Variants in TSHZ2 observed in about 807,000 individuals in gnomAD.
TSHZ2 encodes the protein teashirt zinc finger homeobox 2.
In TSHZ2, 21 loss-of-function variants were observed where a neutral mutation model predicts 74.4. The observed-to-expected ratio is 0.28, with a 90% CI of 0.20 to 0.41. TSHZ2 has a LOEUF of 0.41. Ranked by LOEUF, TSHZ2 falls within the 10% of genes least tolerant of loss-of-function variation. The pLI is 1.00. For synonymous variants in TSHZ2, 540 were observed against 515.3 expected (o/e 1.05, Z -0.65); for missense variants, 1,244 against 1,293.5 (o/e 0.96, Z 0.59).
chr20:53,422,329 T>C (rs1983505005), intron 2 of TSHZ2, among the ~76,000 whole-genome samples: 1 of 152,032 alleles, frequency 6.6e-6, no homozygotes, highest in Admixed American at 6.6e-5. Context: ...TACCCCAAAC[T>C]CCTCCTCTTG....
rs1014032293 is a variant in TSHZ2 at position 52,972,885 on chromosome 20, C to G, written c.-409C>G. On this transcript the variant is annotated 5_prime_UTR_variant, in exon 1 of 3. Coordinates refer to ENST00000371497, the MANE Select transcript of TSHZ2 (RefSeq NM_173485.6). ...CCTGTGGCGCGTGTGCGCCCCTCGT[C>G]CCTTCCATCCGAACCCGGGCTTGGA... The G allele has an allele frequency of 1.2e-4, 28 of 241,744 alleles. 1 individual carries two copies. Among genetic ancestry groups the G allele is most frequent in the Middle Eastern group, 2.5e-3 (2 of 802 alleles). 15.0% of individuals were successfully genotyped at this position (241,744 alleles called of 1,614,324 possible). A position where few individuals can be genotyped will look rare whatever the true frequency, so the allele number is the denominator to read the frequency against.
intron 2 of TSHZ2, among the ~76,000 whole-genome samples, chr20:53,326,360 T>C (rs6068509): frequency 0.15 from 23,112 of 152,246 alleles, 2,268 homozygotes; most frequent in South Asian, 0.28. Flanking sequence ...CTATCCTGGT[T>C]GAGTTGCACT....
chr20:53,209,822 A>G (rs1989257177), intron 1 of TSHZ2, among the ~76,000 whole-genome samples: 1 of 152,154 alleles, frequency 6.6e-6, no homozygotes, highest in African/African-American at 2.4e-5. Context: ...TGAAAACTGA[A>G]CAATGGCTTT....
rs1479165854 is a variant in TSHZ2, at chr20:53,397,380, C to T, written c.*9-89764C>T. Among the ~76,000 whole-genome samples the T allele has an allele frequency of 5.3e-5, 8 of 152,316 alleles. No individual in the cohort carries two copies. The East Asian group carries it at 1.5e-3, about 29-fold the overall frequency. ...GCCAACAGACACATGAAAAAATGCT[C>T]ATCATCACTGGCCATCAGAGAAATG... On this transcript the variant is annotated intron_variant, in intron 2 of 2. Coordinates refer to ENST00000371497, the MANE Select transcript of TSHZ2 (RefSeq NM_173485.6).
chr20:53,272,503 G>A (rs1447029776), intron 2 of TSHZ2, among the ~76,000 whole-genome samples: 1 of 152,162 alleles, frequency 6.6e-6, no homozygotes, highest in Non-Finnish European at 1.5e-5. Context: ...TGCTATCTAG[G>A]AAGTGATTAT....
chr20:53,353,499 A>C (rs2145590674), intron 2 of TSHZ2, among the ~76,000 whole-genome samples: 1 of 152,364 alleles, frequency 6.6e-6, no homozygotes, highest in East Asian at 1.9e-4. Flanking sequence ...CGTGCCATTA[A>C]GCATTTTCTT....
intron 1 of TSHZ2, among the ~76,000 whole-genome samples, chr20:53,243,109 G>A (rs1372164494): frequency 6.6e-6 from 1 of 152,236 alleles, no homozygotes; most frequent in Non-Finnish European, 1.5e-5. Flanking sequence ...CCCATCCGAC[G>A]AAAGGCATTG....
chr20:53,078,052 A>G (rs866804510), intron 1 of TSHZ2, among the ~76,000 whole-genome samples: 1 of 152,230 alleles, frequency 6.6e-6, no homozygotes, highest in South Asian at 2.1e-4. Flanking sequence ...CAGAGTTTGC[A>G]TGACTGTTTC....
chr20:53,100,496 G>A (rs1166949838), intron 1 of TSHZ2, among the ~76,000 whole-genome samples: 1 of 152,194 alleles, frequency 6.6e-6, no homozygotes, highest in Non-Finnish European at 1.5e-5. Context: ...TTCTACCACA[G>A]GATAATGCTT....
chr20:53,339,221 T>C (rs1159561814), intron 2 of TSHZ2, among the ~76,000 whole-genome samples: 1 of 152,200 alleles, frequency 6.6e-6, no homozygotes, highest in East Asian at 1.9e-4. Flanking sequence ...TACTTCATCT[T>C]AGTCAACTCA....
At chr20:53,060,011 T>C (rs1398728768) in intron 1 of TSHZ2, among the ~76,000 whole-genome samples, 3 of 152,320 alleles carry the variant, frequency 2.0e-5, no homozygotes, top group East Asian at 1.9e-4. Flanking sequence ...CATTTATATG[T>C]AAAAGTGTGT....
At chr20:53,316,116 G>A (rs751497406) in intron 2 of TSHZ2, among the ~76,000 whole-genome samples, 1 of 152,202 alleles carries the variant, frequency 6.6e-6, no homozygotes, top group Non-Finnish European at 1.5e-5. Flanking sequence ...TAAAAGTTGT[G>A]CAAACTAAGG....
At chr20:53,276,959 G>T (rs1409318599) in intron 2 of TSHZ2, among the ~76,000 whole-genome samples, 1 of 152,170 alleles carries the variant, frequency 6.6e-6, no homozygotes. Context: ...CAACATAGGG[G>T]TCCATCAGGA....
intron 1 of TSHZ2, among the ~76,000 whole-genome samples, chr20:53,224,619 G>A (rs937543398): frequency 1.3e-5 from 2 of 152,170 alleles, no homozygotes; most frequent in African/African-American, 4.8e-5. Flanking sequence ...GGAGGCTGAG[G>A]CGGATGAATC....
intron 1 of TSHZ2, among the ~76,000 whole-genome samples, chr20:53,107,355 TATC>T (rs1053360653): frequency 6.6e-6 from 1 of 152,164 alleles, no homozygotes; most frequent in African/African-American, 2.4e-5. Flanking sequence ...ATAAAACAGA[TATC>T]ATAGTGGAGT....
intron 1 of TSHZ2, among the ~76,000 whole-genome samples, chr20:52,978,927 T>G (rs1981454741): frequency 1.3e-5 from 2 of 152,220 alleles, no homozygotes; most frequent in South Asian, 4.1e-4. Context: ...ACATTCATTT[T>G]TCAGTAATTT....
rs182730929 is a variant in TSHZ2, at chr20:53,210,237, G to A, written c.41-43262G>A. Among the ~76,000 whole-genome samples the A allele has an allele frequency of 5.5e-3, 836 of 152,332 alleles. 2 individuals carry two copies. Among genetic ancestry groups the A allele is most frequent in the African/African-American group, 0.019 (789 of 41,576 alleles). On this transcript the variant is annotated intron_variant, in intron 1 of 2. Transcript: ENST00000371497. Reference sequence around the variant, plus strand: ...CCTGCCATCCACGGATGGCTAGAGCGTTAACCAGCTCAATGGACCCTCTGC... The same window carrying A: ...CCTGCCATCCACGGATGGCTAGAGCATTAACCAGCTCAATGGACCCTCTGC...
At chr20:53,270,330 G>C (rs940853427) in intron 2 of TSHZ2, among the ~76,000 whole-genome samples, 1 of 152,122 alleles carries the variant, frequency 6.6e-6, no homozygotes, top group Admixed American at 6.5e-5. Flanking sequence ...CCTCCCGAGA[G>C]GCCAAGCTCT....
intron 1 of TSHZ2, among the ~76,000 whole-genome samples, chr20:53,159,152 C>T (rs1375148032): frequency 6.6e-6 from 1 of 152,184 alleles, no homozygotes; most frequent in Admixed American, 6.5e-5. Flanking sequence ...CCTAAGTAAA[C>T]TGAGTCCCAG....
Sources: gnomAD v4.1 joint callset for allele counts (sites outside exome capture counted in the v4.1 genomes callset) on GRCh38, gnomAD v4.1.1 for gene constraint, MANE v1.5 for transcripts, NCBI Gene and HGNC (gene_info 2026-07-23, HGNC 2026-07-21) for gene names.